The following PBX3 variants were observed in gnomAD, a reference collection of about 807,000 sequenced individuals.
The protein encoded by PBX3 is PBX homeobox 3, also known as pre-B-cell leukemia transcription factor 3.
In PBX3, 14 loss-of-function variants were observed where a neutral mutation model predicts 48.5. The observed-to-expected ratio is 0.29, with a 90% CI of 0.19 to 0.45. The LOEUF is 0.45. Ranked by LOEUF, PBX3 falls within the 20% of genes least tolerant of loss-of-function variation. The pLI, the probability that PBX3 is intolerant of heterozygous loss-of-function variation, is 1.00. For missense variants in PBX3, 386 were observed against 546.7 expected, an observed-to-expected ratio of 0.71 and a Z score of 2.93; for synonymous variants, 210 against 200.3, an observed-to-expected ratio of 1.05 and a Z score of -0.41.
At chr9:125,925,285 G>A (rs10987040) in intron 3 of PBX3, among the ~76,000 whole-genome samples, 9,430 of 152,114 alleles carry the variant, frequency 0.062, 681 homozygotes, top group East Asian at 0.17. Context: ...CCGTAGAGCT[G>A]TGCTGTTGAA....
intron 2 of PBX3, among the ~76,000 whole-genome samples, chr9:125,868,513 A>G (rs548296326): frequency 3.3e-5 from 5 of 152,204 alleles, no homozygotes; most frequent in Non-Finnish European, 7.3e-5. Context: ...AGAAGAAAGG[A>G]CAGAGAGTGA....
At chr9:125,922,527 G>A (rs761669839) in intron 3 of PBX3, among the ~76,000 whole-genome samples, 9 of 152,110 alleles carry the variant, frequency 5.9e-5, no homozygotes, top group Non-Finnish European at 1.3e-4. Flanking sequence ...CAGAAAGCTT[G>A]TAACTGACAG....
chr9:125,773,989 A>C (rs924082901), intron 2 of PBX3, among the ~76,000 whole-genome samples: 1 of 152,102 alleles, frequency 6.6e-6, no homozygotes, highest in Non-Finnish European at 1.5e-5. Context: ...GAAACCCCAT[A>C]CCTATTAGTC....
intron 2 of PBX3, among the ~76,000 whole-genome samples, chr9:125,750,624 T>G (rs1836345717): frequency 6.6e-6 from 1 of 152,226 alleles, no homozygotes; most frequent in Non-Finnish European, 1.5e-5. Context: ...AAGAAATTTT[T>G]GTGTTTTAAA....
At chr9:125,819,087 C>T (rs955640703) in intron 2 of PBX3, among the ~76,000 whole-genome samples, 7 of 149,142 alleles carry the variant, frequency 4.7e-5, no homozygotes, top group Non-Finnish European at 7.5e-5. Context: ...CCACCCACCT[C>T]GGCCTCCCAA....
At position 125,889,352 on chromosome 9, in the gene PBX3, T is replaced by C. The variant is rs1360256; in HGVS notation, c.275-26334T>C. Among the ~76,000 whole-genome samples, 1,270 of 152,342 alleles carry C rather than the reference T, an allele frequency of 8.3e-3. 19 individuals carry two copies. Among genetic ancestry groups the C allele is most frequent in the African/African-American group, 0.029 (1,221 of 41,576 alleles). On this transcript the variant is annotated intron_variant, in intron 2 of 8. Coordinates refer to ENST00000373489, the MANE Select transcript of PBX3 (RefSeq NM_006195.6). The stretch of plus-strand genomic sequence containing the variant: ...GGCCGAGCCACGGCTCGCTTGGCAG[T>C]GCACACACGCAGCGGCCTCGCCCCT...
At chr9:125,876,577 A>AAT (rs2132336182) in intron 2 of PBX3, among the ~76,000 whole-genome samples, 1 of 152,254 alleles carries the variant, frequency 6.6e-6, no homozygotes, top group East Asian at 1.9e-4. Flanking sequence ...CTCAGTATAT[A>AAT]ATATATATAA....
intron 2 of PBX3, among the ~76,000 whole-genome samples, chr9:125,762,771 A>T (rs1344568464): frequency 6.6e-6 from 1 of 152,238 alleles, no homozygotes; most frequent in Non-Finnish European, 1.5e-5. Flanking sequence ...AAAACTTAAA[A>T]GCAGATGTAA....
intron 4 of PBX3, among the ~76,000 whole-genome samples, 185 bp downstream of exon 4, chr9:125,930,030 T>C (rs1467860233): frequency 6.6e-6 from 1 of 152,224 alleles, no homozygotes; most frequent in African/African-American, 2.4e-5. Flanking sequence ...AATGGTAATG[T>C]GGGTTAGCTG....
In PBX3 at chr9:125,927,443, A is replaced by G. The variant is rs538064429; in HGVS notation, c.517-2212A>G. 1.4e-3 allele frequency among the ~76,000 whole-genome samples: 208 copies of G among 152,372 alleles called. 1 individual carries two copies. The highest frequency in any genetic ancestry group is 4.7e-3 in the African/African-American group (197 of 41,598). ...AAATACACAGGGTTCAGGAAAGGTT[A>G]GTCCTCTAATGAGCAGTTAGAAAAA... On this transcript the variant is annotated intron_variant, in intron 3 of 8. Coordinates refer to ENST00000373489, the MANE Select transcript of PBX3 (RefSeq NM_006195.6).
chr9:125,965,888 G>C lies in PBX3; in HGVS notation c.1270G>C (p.Gly424Arg). The C allele has an allele frequency of 6.2e-7, 1 of 1,614,084 alleles. No homozygotes were observed. Among genetic ancestry groups the C allele is most frequent in the Admixed American group, 1.7e-5 (1 of 60,024 alleles). Reference protein sequence around the residue: ...TPSSVTSPTEGPGSVHSDTSN With the variant: ...TPSSVTSPTERPGSVHSDTSN The stretch of plus-strand genomic sequence containing the variant: ...ATCTTCTGTGACTTCTCCTACAGAA[G>C]GCCCAGGAAGTGTGCACTCGGATAC... Residue 424 changes from glycine (G) to arginine (R), a missense_variant, in exon 9 of 9, where the codon GGC (glycine) becomes CGC (arginine). Physicochemically the swap from Gly to Arg is moderately radical, Grantham distance 125. Around this residue, in one of 4 missense-constraint regions of PBX3, gnomAD observed 127 missense variants for 143.3 expected, o/e 0.89. Transcript: ENST00000373489.
chr9:125,781,151 T>C (rs949847586), intron 2 of PBX3, among the ~76,000 whole-genome samples: 7 of 150,482 alleles, frequency 4.7e-5, no homozygotes, highest in Non-Finnish European at 8.8e-5. Flanking sequence ...CTCGGCACTT[T>C]TGGAGGCCAA....
chr9:125,869,150 T>C (rs1840057303), intron 2 of PBX3, among the ~76,000 whole-genome samples: 1 of 151,976 alleles, frequency 6.6e-6, no homozygotes, highest in Non-Finnish European at 1.5e-5. Context: ...ATAAGACAGA[T>C]GTAAAAAGCA....
At chr9:125,840,020 A>G (rs1184905739) in intron 2 of PBX3, among the ~76,000 whole-genome samples, 1 of 152,164 alleles carries the variant, frequency 6.6e-6, no homozygotes, top group Non-Finnish European at 1.5e-5. Flanking sequence ...ACAGTGGGCC[A>G]TTCAGATGCC....
intron 2 of PBX3, among the ~76,000 whole-genome samples, chr9:125,910,415 A>G (rs1219252834): frequency 6.6e-6 from 1 of 152,066 alleles, no homozygotes; most frequent in African/African-American, 2.4e-5. Context: ...GTAGCTCTTT[A>G]TGGCCAGTGA....
intron 2 of PBX3, among the ~76,000 whole-genome samples, chr9:125,876,780 A>T (rs1840260509): frequency 1.4e-5 from 2 of 145,456 alleles, no homozygotes; most frequent in African/African-American, 5.0e-5. Context: ...TACTTTTTAT[A>T]TGTGTATGTC....
intron 2 of PBX3, among the ~76,000 whole-genome samples, chr9:125,861,342 TAAC>T (rs1839860072): frequency 6.6e-6 from 1 of 151,862 alleles, no homozygotes; most frequent in South Asian, 2.1e-4. Context: ...GAGCAGATAA[TAAC>T]AAGTGTTGGT....
intron 2 of PBX3, among the ~76,000 whole-genome samples, chr9:125,812,991 A>G (rs1396864606): frequency 6.6e-6 from 1 of 152,224 alleles, no homozygotes; most frequent in Non-Finnish European, 1.5e-5. Flanking sequence ...GTTTAGGCCT[A>G]GGACATTAGT....
At chr9:125,918,615 C>CTG (rs1803040928) in intron 3 of PBX3, among the ~76,000 whole-genome samples, 1 of 152,076 alleles carries the variant, frequency 6.6e-6, no homozygotes, top group African/African-American at 2.4e-5. Flanking sequence ...TATATAAAAT[C>CTG]TGTACAGTAG....
Sources: allele counts gnomAD v4.1 joint callset (sites outside exome capture counted in the v4.1 genomes callset), GRCh38; gene constraint gnomAD v4.1.1; regional missense constraint gnomAD v4.1.1; transcripts MANE v1.5; gene names NCBI Gene and HGNC (gene_info 2026-07-23, HGNC 2026-07-21).